The following FERMT1 variants were observed in gnomAD, a reference collection of about 807,000 sequenced individuals.
The protein encoded by FERMT1 is fermitin family homolog 1.
In FERMT1, 60 loss-of-function variants were observed where a neutral mutation model predicts 85.3. That is an observed-to-expected ratio of 0.70 (90% CI 0.57 to 0.87). FERMT1 has a LOEUF of 0.87. Ranked by LOEUF, FERMT1 falls within the 40% of genes least tolerant of loss-of-function variation. FERMT1 has a pLI of 0.00. For synonymous variants in FERMT1, 275 were observed against 301.1 expected, an observed-to-expected ratio of 0.91 and a Z score of 0.90; for missense variants, 701 against 818.9, an observed-to-expected ratio of 0.86 and a Z score of 1.76.
At chr20:6,096,449 C>T (rs1054249745) in intron 8 of FERMT1, among the ~76,000 whole-genome samples, 3 of 152,144 alleles carry the variant, frequency 2.0e-5, no homozygotes, top group Admixed American at 6.5e-5. Flanking sequence ...TGCTTGAGCC[C>T]AGGAGGCTGA....
At chr20:6,085,727 G>A (rs1053160379) in intron 11 of FERMT1, among the ~76,000 whole-genome samples, 9 of 152,054 alleles carry the variant, frequency 5.9e-5, no homozygotes, top group African/African-American at 2.2e-4. Context: ...GCAGATGCCT[G>A]TAATCCCAGC....
At chr20:6,086,077 G>A (rs6085392) in intron 11 of FERMT1, among the ~76,000 whole-genome samples, 28,704 of 151,610 alleles carry the variant, frequency 0.19, 3,295 homozygotes, top group South Asian at 0.37. Context: ...GGGAGGTGGA[G>A]GTTGCAGTGA....
In FERMT1 at chr20:6,104,394, C is replaced by T. The variant is rs377044143; in HGVS notation, c.849+3138G>A. On this transcript the variant is annotated intron_variant, in intron 6 of 14. Transcript: ENST00000217289. This position sits in a 1 kb window ranked among gnomAD's most constrained non-coding sequence, Gnocchi z 4.2. ...TTCTTAGATTTGATTGTAGCTGCCA[C>T]GAGAACACAAATTACATCTAAAATT... 4.6e-5 allele frequency among the ~76,000 whole-genome samples: 7 copies of T among 152,232 alleles called. No homozygotes were observed. In the South Asian group the frequency reaches 8.3e-4, roughly 18 times the overall value.
chr20:6,102,812 C>T (rs1234986037), intron 6 of FERMT1, among the ~76,000 whole-genome samples: 1 of 152,074 alleles, frequency 6.6e-6, no homozygotes, highest in African/African-American at 2.4e-5. Context: ...AGTAAACCCT[C>T]CACCCTCGTC....
At chr20:6,085,018 G>T in intron 12 of FERMT1, 48 bp downstream of exon 12, 1 of 1,526,286 alleles carries the variant, frequency 6.6e-7, no homozygotes, top group Non-Finnish European at 9.1e-7. Flanking sequence ...ATTTCTGTTT[G>T]CATAAAGAAT....
chr20:6,088,844 G>A (rs895601914), intron 10 of FERMT1, 121 bp downstream of exon 10: 10 of 925,310 alleles, frequency 1.1e-5, no homozygotes, highest in East Asian at 5.8e-5. Flanking sequence ...GGCTGGTCTC[G>A]AACTCCTGAC....
At chr20:6,081,944 C>G (rs142731022) in intron 13 of FERMT1, among the ~76,000 whole-genome samples, 1,932 of 152,256 alleles carry the variant, frequency 0.013, 21 homozygotes, top group Non-Finnish European at 0.02. Flanking sequence ...TTACTCCACC[C>G]GCTTCTCTCT....
chr20:6,086,306 A>G (rs944634691), intron 11 of FERMT1, among the ~76,000 whole-genome samples: 4 of 152,176 alleles, frequency 2.6e-5, no homozygotes, highest in African/African-American at 7.2e-5. Flanking sequence ...GATTTCCTAT[A>G]TTATTTGTAT....
At chr20:6,079,318 T>C in intron 14 of FERMT1, 118 bp downstream of exon 14, 6 of 1,091,470 alleles carry the variant, frequency 5.5e-6, no homozygotes, top group Non-Finnish European at 8.5e-6. Context: ...AGTTACCATA[T>C]GCTTGTGGTT....
At chr20:6,115,769 G>C (rs551958902) in intron 3 of FERMT1, 42 bp downstream of exon 3, 2 of 1,429,700 alleles carry the variant, frequency 1.4e-6, no homozygotes, top group African/African-American at 1.4e-5. Context: ...GTCTAGCTTT[G>C]CAAGAGTCTA....
At chr20:6,110,636 A>G in intron 4 of FERMT1, 125 bp from the exon 5 acceptor site, 6 of 814,502 alleles carry the variant, frequency 7.4e-6, no homozygotes, top group South Asian at 1.5e-5. Flanking sequence ...TTAAAATAAT[A>G]TAAGTCAAGC....
In FERMT1 at chr20:6,115,730, A is replaced by G. The variant is rs1983076999; in HGVS notation, c.385+81T>C. 5.8e-6 allele frequency: 6 copies of G among 1,029,614 alleles called. No homozygotes were observed. In the East Asian group the frequency reaches 1.4e-4, roughly 25 times the overall value. 63.8% of individuals were successfully genotyped at this position (1,029,614 alleles called of 1,614,324 possible). ...TGAGTGTTCTGTAGCAATTACTTGA[A>G]GTAGGCAGAATGCACACATAATTTT... is the stretch of plus-strand genomic sequence containing the variant. On this transcript the variant is annotated intron_variant, in intron 3 of 14. Transcript: ENST00000217289.
intron 9 of FERMT1, 58 bp from the exon 10 acceptor site, chr20:6,089,147 G>A: frequency 1.3e-6 from 2 of 1,562,778 alleles, no homozygotes; most frequent in Non-Finnish European, 1.8e-6. Flanking sequence ...GGAACACGCT[G>A]CAGATTTCAA....
intron 8 of FERMT1, among the ~76,000 whole-genome samples, chr20:6,095,639 T>C (rs1982479996): frequency 6.6e-6 from 1 of 152,168 alleles, no homozygotes; most frequent in Non-Finnish European, 1.5e-5. Flanking sequence ...ACATAACTTT[T>C]TATTTATTCT....
At chr20:6,094,693 G>A (rs1014738337) in intron 9 of FERMT1, among the ~76,000 whole-genome samples, 2 of 152,104 alleles carry the variant, frequency 1.3e-5, no homozygotes, top group Non-Finnish European at 1.5e-5. Context: ...CAAGCCCAAG[G>A]GGAGGTATAT....
intron 13 of FERMT1, 85 bp downstream of exon 13, chr20:6,083,955 T>C: frequency 1.3e-6 from 2 of 1,486,674 alleles, no homozygotes; most frequent in East Asian, 2.3e-5. Context: ...TTCTATATTC[T>C]ATGCTAAATG....
At chr20:6,100,953 A>G (rs1311772333) in intron 6 of FERMT1, among the ~76,000 whole-genome samples, 1 of 152,202 alleles carries the variant, frequency 6.6e-6, no homozygotes, top group East Asian at 1.9e-4. Flanking sequence ...CATATAAATA[A>G]TTTAATAGAG....
intron 10 of FERMT1, among the ~76,000 whole-genome samples, chr20:6,088,366 C>T (rs979373207): frequency 2.6e-5 from 4 of 152,220 alleles, no homozygotes; most frequent in African/African-American, 9.7e-5. Context: ...GAAAACTTTT[C>T]AGGATCTTAC....
At position 6,076,739 on chromosome 20, in the gene FERMT1, C is replaced by T. The variant is rs865955953; in HGVS notation, c.*434G>A. 29 of 321,354 alleles carry T rather than the reference C, an allele frequency of 9.0e-5. No homozygotes were observed. The highest frequency in any genetic ancestry group is 7.3e-5 in the Non-Finnish European group (12 of 163,712). 19.9% of individuals were successfully genotyped at this position (321,354 alleles called of 1,614,324 possible). ...GCAGTTCCATGAAGGACAGGCGTTT[C>T]GTTTCATACCTGAGTTTGTGAAATA... is the stretch of plus-strand genomic sequence containing the variant. On this transcript the variant is annotated 3_prime_UTR_variant, in exon 15 of 15. Transcript: ENST00000217289.
Sources: gnomAD v4.1 joint callset for allele counts (sites outside exome capture counted in the v4.1 genomes callset) on GRCh38, gnomAD v4.1.1 for gene constraint, Gnocchi (gnomAD v3.1) non-coding constraint, MANE v1.5 for transcripts, NCBI Gene and HGNC (gene_info 2026-07-23, HGNC 2026-07-21) for gene names.